SP100: variants seen among roughly 807,000 people sequenced by gnomAD.
SP100 encodes SP100 nuclear body protein, also known as nuclear autoantigen Sp-100.
A neutral mutation model predicts 130.0 loss-of-function variants in SP100; 84 were observed. That is an observed-to-expected ratio of 0.65 (90% CI 0.54 to 0.77). The LOEUF (loss-of-function observed/expected upper bound fraction) is 0.77. Ranked by LOEUF, SP100 falls within the 30% of genes least tolerant of loss-of-function variation. The pLI, the probability that SP100 is intolerant of heterozygous loss-of-function variation, is 0.00. For synonymous variants in SP100, 331 were observed against 351.7 expected (o/e 0.94, Z 0.66); for missense variants, 978 against 1,052.2 (o/e 0.93, Z 0.97).
Position 230,422,590 on chromosome 2 carries a change from A to G in SP100, c.107+4925A>G, listed in dbSNP as rs776375981. ...GTTTTTTCATTCTGTGAAATTAGCT[A>G]CCATATATGCCCCTATCTTCCAAAA... On this transcript the variant is annotated intron_variant, in intron 2 of 28. Coordinates refer to ENST00000340126, the MANE Select transcript of SP100 (RefSeq NM_001080391.2). 3.2e-4 allele frequency among the ~76,000 whole-genome samples: 49 copies of G among 152,190 alleles called. 1 individual carries two copies. The highest frequency in any genetic ancestry group is 5.0e-4 in the Non-Finnish European group (34 of 68,028).
At position 230,450,259 on chromosome 2, in the gene SP100, A is replaced by G; in HGVS notation, c.820+4A>G. 1 of 1,604,634 alleles carries G rather than the reference A, an allele frequency of 6.2e-7. No individual in the cohort carries two copies. The highest frequency in any genetic ancestry group is 1.1e-5 in the South Asian group (1 of 90,786). The stretch of plus-strand genomic sequence containing the variant: ...CCGTTGCCCTGTGATGAAGAAAGTA[A>G]TTATTGCTTACCTTGCCTATTTTCT... On this transcript the variant is annotated splice_donor_region_variant and intron_variant, in intron 8 of 28. Transcript: ENST00000340126.
chr2:230,535,906 C>CAAAAAAA lies in SP100; in HGVS notation c.2095-3338_2095-3332dup, dbSNP rs34684038. 5.3e-4 allele frequency among the ~76,000 whole-genome samples: 25 copies of CAAAAAAA among 47,594 alleles called. 1 individual carries two copies. The highest frequency in any genetic ancestry group is 2.5e-3 in the African/African-American group (22 of 8,968). The allele number at this position is 47,594 out of a possible 152,430, so 31.2% of individuals were successfully genotyped here. On this transcript the variant is annotated intron_variant, in intron 24 of 28. Transcript: ENST00000340126. ...TGGGTGACAGAGCAAGACTCCATCT[C>CAAAAAAA]AAAAAAAAAAAAAAAAAAAAAAAAA... is the stretch of plus-strand genomic sequence containing the variant.
chr2:230,470,346 A>G (rs1201364510), intron 15 of SP100: 2 of 1,148,468 alleles, frequency 1.7e-6, no homozygotes, highest in Non-Finnish European at 2.2e-6. Flanking sequence ...AGAAATAAAT[A>G]GCAAATTTGT....
chr2:230,473,255 T>C, intron 15 of SP100, 69 bp from the exon 16 acceptor site: 1 of 1,029,558 alleles, frequency 9.7e-7, no homozygotes, highest in Non-Finnish European at 1.5e-6. Flanking sequence ...CAGTCACTAA[T>C]GTTGGGGGGA....
intron 8 of SP100, among the ~76,000 whole-genome samples, 162 bp downstream of exon 8, chr2:230,450,417 G>A (rs1477470627): frequency 6.6e-6 from 1 of 152,116 alleles, no homozygotes; most frequent in Non-Finnish European, 1.5e-5. Flanking sequence ...TTTGAAATAT[G>A]TACACATTGT....
chr2:230,526,736 T>A (rs1404758295), intron 24 of SP100, among the ~76,000 whole-genome samples: 4 of 152,168 alleles, frequency 2.6e-5, no homozygotes, highest in African/African-American at 9.7e-5. Context: ...TTAAATGACC[T>A]GATGGAGCTG....
Position 230,504,175 on chromosome 2 carries a change from C to T in SP100, c.1766-11C>T. On this transcript the variant is annotated splice_polypyrimidine_tract_variant and intron_variant, in intron 20 of 28. Coordinates refer to ENST00000340126, the MANE Select transcript of SP100 (RefSeq NM_001080391.2). ...AGTAGATGGAATGGAAAAAAAAATG[C>T]TTCCTTGCAGGTCCAAGAATTCCCA... 1 of 1,533,498 alleles carries T rather than the reference C, an allele frequency of 6.5e-7. No homozygotes were observed. Among genetic ancestry groups the T allele is most frequent in the Non-Finnish European group, 9.0e-7 (1 of 1,108,944 alleles). 95.0% of individuals were successfully genotyped at this position (1,533,498 alleles called of 1,614,324 possible).
intron 21 of SP100, among the ~76,000 whole-genome samples, chr2:230,505,023 G>A (rs932355322): frequency 6.6e-6 from 1 of 152,066 alleles, no homozygotes; most frequent in African/African-American, 2.4e-5. Flanking sequence ...TATCCACATT[G>A]TTTATTATGA....
chr2:230,421,032 T>C (rs781495773), intron 2 of SP100, among the ~76,000 whole-genome samples: 8 of 152,140 alleles, frequency 5.3e-5, no homozygotes, highest in Non-Finnish European at 7.4e-5. Context: ...GGTTCATCAG[T>C]AATCAGTGTT....
At chr2:230,473,060 TA>T in intron 15 of SP100, 1 of 305,922 alleles carries the variant, frequency 3.3e-6, no homozygotes, top group Non-Finnish European at 6.2e-6. Flanking sequence ...TCTTTTTCCC[TA>T]AAACCAGCCT....
chr2:230,444,477 C>A lies in SP100; in HGVS notation c.439+131C>A, dbSNP rs529159747. 10 of 701,464 alleles carry A rather than the reference C, an allele frequency of 1.4e-5. 1 individual carries two copies. In the South Asian group the frequency reaches 2.0e-4, roughly 14 times the overall value. The allele number at this position is 701,464 out of a possible 1,614,324, so 43.5% of individuals were successfully genotyped here. A position where few individuals can be genotyped will look rare whatever the true frequency, so the allele number is the denominator to read the frequency against. On this transcript the variant is annotated intron_variant, in intron 4 of 28. Coordinates refer to ENST00000340126, the MANE Select transcript of SP100 (RefSeq NM_001080391.2). The stretch of plus-strand genomic sequence containing the variant: ...TAGAGTAGTTAACAAAATAGACATG[C>A]CATGAGTCTTCTCTTAGCTCATGGC...
At chr2:230,434,615 G>A (rs1421417706) in intron 2 of SP100, among the ~76,000 whole-genome samples, 1 of 152,110 alleles carries the variant, frequency 6.6e-6, no homozygotes, top group Non-Finnish European at 1.5e-5. Flanking sequence ...AAAAATAGAG[G>A]CAGATTAGGA....
At chr2:230,426,502 GAAT>G (rs1378680053) in intron 2 of SP100, among the ~76,000 whole-genome samples, 7 of 143,708 alleles carry the variant, frequency 4.9e-5, no homozygotes, top group African/African-American at 1.9e-4. Flanking sequence ...GGTTATTCAG[GAAT>G]GTGTTGTTTA....
At chr2:230,446,699 T>C (rs899283624) in intron 4 of SP100, 120 bp from the exon 5 acceptor site, 13 of 623,534 alleles carry the variant, frequency 2.1e-5, no homozygotes, top group Non-Finnish European at 3.4e-5. Flanking sequence ...CTTTAGGTCA[T>C]GTGGAACCCT....
chr2:230,439,809 CTTTA>C (rs1357631560), intron 2 of SP100, among the ~76,000 whole-genome samples: 1 of 152,124 alleles, frequency 6.6e-6, no homozygotes, highest in Non-Finnish European at 1.5e-5. Context: ...TTAGGATGCC[CTTTA>C]TTTCTTTCTT....
chr2:230,434,600 G>GA (rs569027623), intron 2 of SP100, among the ~76,000 whole-genome samples: 14 of 151,250 alleles, frequency 9.3e-5, no homozygotes, highest in East Asian at 3.9e-4. Context: ...AAGGGCATGA[G>GA]AAAAAAAAAT....
chr2:230,425,982 T>C (rs1020579131), intron 2 of SP100, among the ~76,000 whole-genome samples: 13 of 152,158 alleles, frequency 8.5e-5, no homozygotes, highest in African/African-American at 2.7e-4. Flanking sequence ...TTTTGATAGA[T>C]TGTGTATTTC....
At chr2:230,501,274 G>A (rs547969196) in intron 19 of SP100, among the ~76,000 whole-genome samples, 1 of 152,084 alleles carries the variant, frequency 6.6e-6, no homozygotes, top group Non-Finnish European at 1.5e-5. Flanking sequence ...GGGGTTGGGG[G>A]GAAACCTTTA....
In SP100 at chr2:230,494,419, A is replaced by T; in HGVS notation, c.1604A>T (p.Lys535Ile). 1 of 1,602,566 alleles carries T rather than the reference A, an allele frequency of 6.2e-7. No individual in the cohort carries two copies. Among genetic ancestry groups the T allele is most frequent in the Non-Finnish European group, 8.5e-7 (1 of 1,169,706 alleles). ...TLEKHSGKRR[K>I]KRRHRSKVNG... ...TTTCTTTCTTTTCTGTTTGCAGGAAAAAAGAGAAGGCATAGATCTAAAGTA... is the reference window on the plus strand; with the variant it reads ...TTTCTTTCTTTTCTGTTTGCAGGAATAAAGAGAAGGCATAGATCTAAAGTA... Residue 535 changes from lysine (K) to isoleucine (I), a missense_variant, in exon 18 of 29, where the codon AAA (lysine) becomes ATA (isoleucine). Coordinates refer to ENST00000340126, the MANE Select transcript of SP100 (RefSeq NM_001080391.2).
Sources: gnomAD v4.1 joint callset for allele counts (sites outside exome capture counted in the v4.1 genomes callset) on GRCh38, gnomAD v4.1.1 for gene constraint, MANE v1.5 for transcripts, NCBI Gene and HGNC (gene_info 2026-07-23, HGNC 2026-07-21) for gene names.